The following CFAP61 variants were observed in gnomAD, a reference collection of about 807,000 sequenced individuals.
The protein encoded by CFAP61 is cilia- and flagella-associated protein 61.
A neutral mutation model predicts 135.6 loss-of-function variants in CFAP61; 107 were observed. The ratio of observed to expected loss-of-function variants is 0.79; its 90% CI spans 0.67 to 0.93. CFAP61 has a LOEUF of 0.93. Among genes scored for constraint, CFAP61 ranks in the 40% least tolerant of loss-of-function variants. CFAP61 has a pLI of 0.00. For synonymous variants in CFAP61, 575 were observed against 578.5 expected (o/e 0.99, Z 0.09); for missense variants, 1,507 against 1,556.2 (o/e 0.97, Z 0.53).
chr20:20,194,852 C>T (rs143985144), intron 15 of CFAP61, among the ~76,000 whole-genome samples: 1 of 152,212 alleles, frequency 6.6e-6, no homozygotes, highest in Non-Finnish European at 1.5e-5. Context: ...ACTTTTTTGT[C>T]CTCCATTATG....
intron 21 of CFAP61, among the ~76,000 whole-genome samples, chr20:20,276,489 G>T (rs939601993): frequency 6.6e-6 from 1 of 152,176 alleles, no homozygotes; most frequent in Non-Finnish European, 1.5e-5. Context: ...TTTGAGAAAT[G>T]TAAATAGTAT....
At position 20,199,852 on chromosome 20, in the gene CFAP61, C is replaced by T. The variant is rs116508993; in HGVS notation, c.1882C>T (p.Leu628=). Residue 628 remains leucine (L), a synonymous_variant, in exon 17 of 27, where the codon CTG becomes TTG. Transcript: ENST00000245957. ...VRPRRQIVYP[L]EKLGINAPSK... ...ACCACGACGACAGATTGTCTATCCT[C>T]TGGAAAAGCTTGGCATAAACGCTCC... 166 of 1,614,206 alleles carry T rather than the reference C, an allele frequency of 1.0e-4. 2 individuals are homozygous for T. The African/African-American group carries it at 1.9e-3, about 18-fold the overall frequency.
intron 13 of CFAP61, 29 bp from the exon 14 acceptor site, chr20:20,187,901 C>G: frequency 6.3e-7 from 1 of 1,585,774 alleles, no homozygotes; most frequent in South Asian, 1.1e-5. Context: ...AGTACTTTAA[C>G]TTAAAAATAT....
chr20:20,294,963 A>ATAATAATAT (rs2055309919), intron 24 of CFAP61, among the ~76,000 whole-genome samples: 1 of 148,114 alleles, frequency 6.8e-6, no homozygotes, highest in Non-Finnish European at 1.5e-5. Flanking sequence ...AATAATAATA[A>ATAATAATAT]TAATAATAAT....
intron 25 of CFAP61, among the ~76,000 whole-genome samples, chr20:20,300,030 T>G (rs1432060435): frequency 6.6e-6 from 1 of 152,118 alleles, no homozygotes; most frequent in African/African-American, 2.4e-5. Flanking sequence ...CGGAGTCCCA[T>G]AAGATATTAA....
chr20:20,065,020 A>G (rs1409618702), intron 2 of CFAP61, among the ~76,000 whole-genome samples: 1 of 152,222 alleles, frequency 6.6e-6, no homozygotes, highest in East Asian at 1.9e-4. Flanking sequence ...TCCCAGAAAC[A>G]GACGCATACT....
intron 7 of CFAP61, among the ~76,000 whole-genome samples, chr20:20,097,008 G>C (rs1282399172): frequency 6.6e-6 from 1 of 151,860 alleles, no homozygotes; most frequent in African/African-American, 2.4e-5. Flanking sequence ...AAATAGAGGA[G>C]GTCTCACTTT....
chr20:20,257,404 C>G (rs2051699941), intron 20 of CFAP61, among the ~76,000 whole-genome samples: 1 of 152,074 alleles, frequency 6.6e-6, no homozygotes, highest in African/African-American at 2.4e-5. Context: ...CACTTGAGGT[C>G]AGGAGTTCGA....
intron 25 of CFAP61, among the ~76,000 whole-genome samples, chr20:20,318,197 T>A (rs1348888039): frequency 6.6e-6 from 1 of 152,148 alleles, no homozygotes; most frequent in African/African-American, 2.4e-5. Flanking sequence ...CATGAACGAA[T>A]GTGACCCCAC....
intron 9 of CFAP61, among the ~76,000 whole-genome samples, chr20:20,145,563 A>T (rs542637844): frequency 6.6e-6 from 1 of 152,352 alleles, no homozygotes; most frequent in East Asian, 1.9e-4. Context: ...AAATGTCCCG[A>T]TTAAAGATCA....
chr20:20,325,807 A>G (rs1277661689), intron 25 of CFAP61, among the ~76,000 whole-genome samples: 1 of 152,198 alleles, frequency 6.6e-6, no homozygotes, highest in Admixed American at 6.5e-5. Flanking sequence ...CAAAGTAGCT[A>G]TACACCATTT....
rs765851007 is a variant in CFAP61 at position 20,098,663 on chromosome 20, C to T, written c.708C>T (p.Gly236=). 3.8e-6 allele frequency: 6 copies of T among 1,586,742 alleles called. No homozygotes were observed. The South Asian group carries it at 6.9e-5, about 18-fold the overall frequency. The part of the protein sequence containing the change: ...ENHAVVCEVE[G]TAVGFMSVCS... Reference sequence around the variant, plus strand: ...TGTTTTGGATATTTCAGGTGGAAGGCACAGCTGTTGGGTTCATGAGTGTGT... The same window carrying T: ...TGTTTTGGATATTTCAGGTGGAAGGTACAGCTGTTGGGTTCATGAGTGTGT... Residue 236 remains glycine, a synonymous_variant, in exon 8 of 27, where the codon GGC becomes GGT. Transcript: ENST00000245957.
intron 7 of CFAP61, 152 bp downstream of exon 7, chr20:20,091,128 C>A: frequency 1.2e-6 from 1 of 821,616 alleles, no homozygotes; most frequent in Non-Finnish European, 2.0e-6. Flanking sequence ...TGCACCAGGC[C>A]AGCTTCCTCC....
rs148525243 is a variant in CFAP61 at position 20,154,109 on chromosome 20, A to T, written c.952-5261A>T. ...AAACAGATTTAAAAACAAAAATCAT[A>T]TTATCATCTCAAAAGACACAGAGAA... On this transcript the variant is annotated intron_variant, in intron 9 of 26. Transcript: ENST00000245957. 2.8e-3 allele frequency among the ~76,000 whole-genome samples: 425 copies of T among 152,230 alleles called. 1 individual carries two copies. Among genetic ancestry groups the T allele is most frequent in the African/African-American group, 9.7e-3 (405 of 41,556 alleles).
chr20:20,347,563 A>G (rs1190257908), intron 26 of CFAP61, among the ~76,000 whole-genome samples: 8 of 152,234 alleles, frequency 5.3e-5, no homozygotes, highest in Admixed American at 5.2e-4. Flanking sequence ...GAAATAAAAA[A>G]GGATTATGAG....
intron 26 of CFAP61, among the ~76,000 whole-genome samples, chr20:20,343,880 A>G (rs533972687): frequency 4.9e-4 from 75 of 152,324 alleles, no homozygotes; most frequent in Admixed American, 4.1e-3. Context: ...GATACCCTCA[A>G]ACTTCTACCT....
intron 21 of CFAP61, among the ~76,000 whole-genome samples, chr20:20,275,131 C>T (rs2053652406): frequency 6.6e-6 from 1 of 152,198 alleles, no homozygotes; most frequent in African/African-American, 2.4e-5. Context: ...TTTCTGTGCA[C>T]CTGCATTTCC....
intron 17 of CFAP61, among the ~76,000 whole-genome samples, chr20:20,207,504 G>C (rs1365987197): frequency 6.6e-6 from 1 of 152,230 alleles, no homozygotes; most frequent in Non-Finnish European, 1.5e-5. Flanking sequence ...GCCTAGCAAG[G>C]CTCCGGGTGG....
At chr20:20,248,744 C>G (rs1016215859) in intron 19 of CFAP61, among the ~76,000 whole-genome samples, 2 of 152,182 alleles carry the variant, frequency 1.3e-5, no homozygotes, top group African/African-American at 4.8e-5. Flanking sequence ...TCCACTGACT[C>G]ATCTGTGGCC....
Sources: allele counts gnomAD v4.1 joint callset (sites outside exome capture counted in the v4.1 genomes callset), GRCh38; gene constraint gnomAD v4.1.1; transcripts MANE v1.5; gene names NCBI Gene and HGNC (gene_info 2026-07-23, HGNC 2026-07-21).